The following MAP4K4 variants were observed in gnomAD, a reference collection of about 807,000 sequenced individuals.
MAP4K4 encodes HPK/GCK-like kinase HGK.
A neutral mutation model predicts 189.6 loss-of-function variants in MAP4K4; 38 were observed. The observed-to-expected ratio is 0.20, with a 90% CI of 0.15 to 0.26. The LOEUF is 0.26. Among genes scored for constraint, MAP4K4 ranks in the 10% least tolerant of loss-of-function variants. The pLI is 1.00. For synonymous variants in MAP4K4, 610 were observed against 624.3 expected (o/e 0.98, Z 0.34); for missense variants, 1,054 against 1,726.9 (o/e 0.61, Z 6.91).
chr2:101,771,436 G>C (rs1650569527), intron 2 of MAP4K4, among the ~76,000 whole-genome samples: 1 of 152,146 alleles, frequency 6.6e-6, no homozygotes, highest in Non-Finnish European at 1.5e-5. Flanking sequence ...TTATGCTTTT[G>C]TCTTTAAGCA....
intron 2 of MAP4K4, among the ~76,000 whole-genome samples, chr2:101,745,662 A>G (rs188241833): frequency 6.6e-6 from 1 of 152,194 alleles, no homozygotes; most frequent in East Asian, 1.9e-4. Context: ...ATTTATTAGC[A>G]TAGAATGTAT....
chr2:101,851,249 C>G (rs1264300826), intron 12 of MAP4K4, among the ~76,000 whole-genome samples: 1 of 152,160 alleles, frequency 6.6e-6, no homozygotes, highest in Non-Finnish European at 1.5e-5. Context: ...GTTAGGACAT[C>G]ACACAGTTTT....
chr2:101,770,721 C>T (rs1368351780), intron 2 of MAP4K4, among the ~76,000 whole-genome samples: 1 of 152,186 alleles, frequency 6.6e-6, no homozygotes, highest in African/African-American at 2.4e-5. Context: ...GTATTCTTGC[C>T]TACTGCCCAT....
chr2:101,789,463 T>C (rs750612284), intron 2 of MAP4K4, among the ~76,000 whole-genome samples: 21 of 152,200 alleles, frequency 1.4e-4, no homozygotes, highest in Non-Finnish European at 2.1e-4. Context: ...ATCTCACTTA[T>C]ATAGATAGGA....
intron 2 of MAP4K4, among the ~76,000 whole-genome samples, chr2:101,736,472 G>A (rs1348919615): frequency 6.6e-6 from 1 of 152,186 alleles, no homozygotes; most frequent in Non-Finnish European, 1.5e-5. Flanking sequence ...TGCTGTCATA[G>A]CACTTGGCAC....
At chr2:101,776,063 G>A (rs1337692663) in intron 2 of MAP4K4, among the ~76,000 whole-genome samples, 6 of 152,158 alleles carry the variant, frequency 3.9e-5, no homozygotes, top group African/African-American at 1.4e-4. Context: ...GAGTTTTGGT[G>A]GTCCATATAG....
intron 32 of MAP4K4, among the ~76,000 whole-genome samples, chr2:101,890,410 A>T (rs760979813): frequency 1.3e-5 from 2 of 152,212 alleles, no homozygotes; most frequent in Non-Finnish European, 2.9e-5. Flanking sequence ...CACTCCTTAC[A>T]AATTATAAAT....
chr2:101,790,628 G>A, intron 2 of MAP4K4, 92 bp from the exon 3 acceptor site: 1 of 856,766 alleles, frequency 1.2e-6, no homozygotes, highest in South Asian at 1.4e-5. Context: ...GTATAGTTGA[G>A]ATACGATTTG....
At chr2:101,841,459 T>A (rs751851536) in intron 10 of MAP4K4, among the ~76,000 whole-genome samples, 1 of 152,042 alleles carries the variant, frequency 6.6e-6, no homozygotes, top group South Asian at 2.1e-4. Flanking sequence ...ACCAGGAAAC[T>A]GATTTTCATC....
At position 101,745,470 on chromosome 2, in the gene MAP4K4, T is replaced by C. The variant is rs544293045; in HGVS notation, c.124-45250T>C. ...AAAAAAAAAAAAAAGTATTAGAATC[T>C]ACATCTTCTGATTATAAGTCCTAAA... is the stretch of plus-strand genomic sequence containing the variant. On this transcript the variant is annotated intron_variant, in intron 2 of 32. Transcript: ENST00000324219. Among the ~76,000 whole-genome samples the C allele has an allele frequency of 9.0e-4, 135 of 149,664 alleles. 2 individuals carry two copies. Among genetic ancestry groups the C allele is most frequent in the Non-Finnish European group, 1.7e-3 (116 of 67,416 alleles).
chr2:101,821,317 C>T (rs2096043446), intron 3 of MAP4K4, among the ~76,000 whole-genome samples: 2 of 152,082 alleles, frequency 1.3e-5, no homozygotes, highest in East Asian at 1.9e-4. Context: ...CATGAGGATA[C>T]GTTCTCAGAA....
At chr2:101,877,204 T>C in intron 27 of MAP4K4, 58 bp downstream of exon 27, 3 of 1,567,904 alleles carry the variant, frequency 1.9e-6, no homozygotes, top group Non-Finnish European at 2.6e-6. Context: ...TATTGTAGCT[T>C]TACACACTAA....
At chr2:101,800,277 T>C (rs2094235874) in intron 3 of MAP4K4, among the ~76,000 whole-genome samples, 1 of 152,078 alleles carries the variant, frequency 6.6e-6, no homozygotes, top group Admixed American at 6.6e-5. Flanking sequence ...CTAAAATTTT[T>C]TGTAGAGACC....
intron 28 of MAP4K4, among the ~76,000 whole-genome samples, chr2:101,884,238 A>G (rs766509710): frequency 1.2e-4 from 18 of 152,204 alleles, no homozygotes; most frequent in Non-Finnish European, 2.9e-5. Flanking sequence ...AATAAAAATT[A>G]AGGAAACCTT....
chr2:101,765,793 G>GT (rs913497659), intron 2 of MAP4K4, among the ~76,000 whole-genome samples: 7 of 152,194 alleles, frequency 4.6e-5, no homozygotes, highest in African/African-American at 1.7e-4. Context: ...TTACTTTTCT[G>GT]TATGTTTAGA....
intron 2 of MAP4K4, among the ~76,000 whole-genome samples, chr2:101,730,035 C>T (rs192656865): frequency 6.6e-5 from 10 of 152,286 alleles, no homozygotes; most frequent in Non-Finnish European, 8.8e-5. Context: ...GAACATCTTC[C>T]GTGGCAGCTA....
At chr2:101,703,464 A>G (rs2040181852) in intron 2 of MAP4K4, among the ~76,000 whole-genome samples, 1 of 151,794 alleles carries the variant, frequency 6.6e-6, no homozygotes, top group Non-Finnish European at 1.5e-5. Context: ...CTAAAAATAT[A>G]AAAAGTAGCC....
chr2:101,724,681 G>A (rs138347634), intron 2 of MAP4K4, among the ~76,000 whole-genome samples: 15 of 152,318 alleles, frequency 9.8e-5, no homozygotes, highest in Non-Finnish European at 1.5e-4. Flanking sequence ...GGAATATGTA[G>A]TTCTCTTCCA....
chr2:101,740,694 T>C (rs1464052981), intron 2 of MAP4K4, among the ~76,000 whole-genome samples: 2 of 152,188 alleles, frequency 1.3e-5, no homozygotes, highest in African/African-American at 4.8e-5. Context: ...AAAATAAATA[T>C]TTGAAGATAG....
Sources: allele counts gnomAD v4.1 joint callset (sites outside exome capture counted in the v4.1 genomes callset), GRCh38; gene constraint gnomAD v4.1.1; transcripts MANE v1.5; gene names NCBI Gene and HGNC (gene_info 2026-07-23, HGNC 2026-07-21).